The following TRIM26 variants were observed in gnomAD, a reference collection of about 807,000 sequenced individuals.
TRIM26 encodes tripartite motif containing 26.
TRIM26 carries 16 observed loss-of-function variants against 45.5 expected under a neutral mutation model. The ratio of observed to expected loss-of-function variants is 0.35; its 90% CI spans 0.24 to 0.53. The LOEUF (loss-of-function observed/expected upper bound fraction) is 0.53. Ranked by LOEUF, TRIM26 falls within the 20% of genes least tolerant of loss-of-function variation. The pLI, the probability that TRIM26 is intolerant of heterozygous loss-of-function variation, is 0.92. For missense variants in TRIM26, 442 were observed against 691.1 expected, an observed-to-expected ratio of 0.64 and a Z score of 4.04; for synonymous variants, 273 against 290.4, an observed-to-expected ratio of 0.94 and a Z score of 0.61.
rs771129969 is a variant in TRIM26 at position 30,198,974 on chromosome 6, G to A, written c.130C>T (p.Arg44Cys). Residue 44 changes from arginine to cysteine, a missense_variant, in exon 4 of 10, where the codon CGC becomes TGC. By Grantham distance (180) the Arg-to-Cys change is radical. Transcript: ENST00000454678. The surrounding 1 kb of genome is among the most constrained non-coding windows in gnomAD (Gnocchi z 6.3). The part of the protein sequence containing the change: ...VFCRSCTTDV[R>C]PISGSRPVCP... ...ACGGGGCGGCTCCCTGAGATGGGGC[G>A]GACGTCTGTGGTGCAGCTGCGGCAG... 1.2e-5 allele frequency: 19 copies of A among 1,612,676 alleles called. No homozygotes were observed. The highest frequency in any genetic ancestry group is 6.7e-5 in the East Asian group (3 of 44,854).
rs371337600 is a variant in TRIM26, at chr6:30,189,412, C to A, written c.904+6G>T. The A allele has an allele frequency of 6.2e-7, 1 of 1,612,870 alleles. No individual in the cohort carries two copies. The highest frequency in any genetic ancestry group is 1.1e-5 in the South Asian group (1 of 91,078). Reference sequence around the variant, plus strand: ...TCCCACCCTTTGTGCGCTCCCCAACCCTTACCCTGGAATTCCCTCAGGCCT... The same window carrying A: ...TCCCACCCTTTGTGCGCTCCCCAACACTTACCCTGGAATTCCCTCAGGCCT... On this transcript the variant is annotated splice_donor_region_variant and intron_variant, in intron 8 of 9. Transcript: ENST00000454678. The surrounding 1 kb of genome is among the most constrained non-coding windows in gnomAD (Gnocchi z 5.0).
rs552275678 is a variant in TRIM26 at position 30,197,900 on chromosome 6, G to A, written c.534+529C>T. Reference sequence around the variant, plus strand: ...CGCCGCTACGGAACCCACAGATATGGAGGAGGTCCCACTGTACTGGCAACC... The same window carrying A: ...CGCCGCTACGGAACCCACAGATATGAAGGAGGTCCCACTGTACTGGCAACC... On this transcript the variant is annotated intron_variant, in intron 5 of 9. Coordinates refer to ENST00000454678, the MANE Select transcript of TRIM26 (RefSeq NM_003449.5). Among the ~76,000 whole-genome samples, 5 of 152,278 alleles carry A rather than the reference G, an allele frequency of 3.3e-5. No individual in the cohort carries two copies. The South Asian group carries it at 8.3e-4, about 25-fold the overall frequency.
intron 1 of TRIM26, among the ~76,000 whole-genome samples, chr6:30,210,787 T>A (rs1489772498): frequency 6.6e-6 from 1 of 152,250 alleles, no homozygotes. Context: ...AACTATCTTG[T>A]ACTGTACTTA....
intron 1 of TRIM26, among the ~76,000 whole-genome samples, chr6:30,211,987 G>T (rs1404099347): frequency 6.6e-6 from 1 of 152,178 alleles, no homozygotes; most frequent in Non-Finnish European, 1.5e-5. Context: ...CTTCTAAAGA[G>T]GACAATACAC....
At chr6:30,188,363 G>A in intron 9 of TRIM26, 1 of 442,322 alleles carries the variant, frequency 2.3e-6, no homozygotes, top group Non-Finnish European at 4.1e-6. Context: ...CTACCAGCCT[G>A]CTCTGTAAGA....
At position 30,189,558 on chromosome 6, in the gene TRIM26, G is replaced by T; in HGVS notation, c.789-25C>A. ...CCTAAGAAGATGACATACATAACAAGCTGTTACTCAGCTCTTCTTACTTTC... is the reference window on the plus strand; with the variant it reads ...CCTAAGAAGATGACATACATAACAATCTGTTACTCAGCTCTTCTTACTTTC... On this transcript the variant is annotated intron_variant, in intron 7 of 9. Coordinates refer to ENST00000454678, the MANE Select transcript of TRIM26 (RefSeq NM_003449.5). This position sits in a 1 kb window ranked among gnomAD's most constrained non-coding sequence, Gnocchi z 5.0. The T allele has an allele frequency of 6.4e-7, 1 of 1,574,620 alleles. No homozygotes were observed. The highest frequency in any genetic ancestry group is 8.7e-7 in the Non-Finnish European group (1 of 1,145,506).
intron 2 of TRIM26, among the ~76,000 whole-genome samples, chr6:30,203,352 A>G (rs942201936): frequency 6.6e-6 from 1 of 151,168 alleles, no homozygotes; most frequent in African/African-American, 2.4e-5. Context: ...GTCTAAAATT[A>G]TTTTCTTAAT....
Position 30,198,903 on chromosome 6 carries a change from G to A in TRIM26, c.201C>T (p.Pro67=), listed in dbSNP as rs367664883. 2.4e-5 allele frequency: 39 copies of A among 1,612,736 alleles called. No homozygotes were observed. Among genetic ancestry groups the A allele is most frequent in the African/African-American group, 2.4e-4 (18 of 74,898 alleles). The stretch of plus-strand genomic sequence containing the variant: ...CCACCAGGCTGGCCAGTTGCCACAC[G>A]GGTCGGATGTTCTCCTTCTTAAAAG... ...KKPFKKENIR[P]VWQLASLVEN... is the part of the protein sequence containing the mutation. The change falls in exon 4 of 10, where the codon CCC becomes CCT. Residue 67 remains proline (P), a synonymous_variant. Transcript: ENST00000454678. This position sits in a 1 kb window ranked among gnomAD's most constrained non-coding sequence, Gnocchi z 6.3.
At chr6:30,213,148 C>T (rs1262642130) in intron 1 of TRIM26, among the ~76,000 whole-genome samples, 157 bp downstream of exon 1, 1 of 152,224 alleles carries the variant, frequency 6.6e-6, no homozygotes, top group Non-Finnish European at 1.5e-5. Flanking sequence ...ATCTGGCTGG[C>T]AGGGAGGACG....
Position 30,196,413 on chromosome 6 carries a change from G to T in TRIM26, c.765+103C>A. ...GGATTATCATCTCCATGTTTCAGAT[G>T]ACAAAACTGAGCCCCCAAGTCTTCT... On this transcript the variant is annotated intron_variant, in intron 6 of 9. Transcript: ENST00000454678. This position sits in a 1 kb window ranked among gnomAD's most constrained non-coding sequence, Gnocchi z 4.9. 8.9e-7 allele frequency: 1 copy of T among 1,126,466 alleles called. No individual in the cohort carries two copies. The highest frequency in any genetic ancestry group is 1.4e-5 in the South Asian group (1 of 69,254). The allele number at this position is 1,126,466 out of a possible 1,614,324, so 69.8% of individuals were successfully genotyped here.
intron 2 of TRIM26, among the ~76,000 whole-genome samples, chr6:30,203,037 CCTCT>C (rs1302849507): frequency 6.8e-6 from 1 of 146,644 alleles, no homozygotes; most frequent in Non-Finnish European, 1.5e-5. Context: ...AAAATTATTT[CCTCT>C]CTTTCTTTTT....
intron 6 of TRIM26, among the ~76,000 whole-genome samples, chr6:30,192,151 C>A (rs541431299): frequency 3.0e-4 from 45 of 152,294 alleles, no homozygotes; most frequent in Admixed American, 1.8e-3. Context: ...AGTGATCCGC[C>A]CAAGTCTCCT....
At position 30,186,779 on chromosome 6, in the gene TRIM26, A is replaced by T; in HGVS notation, c.938-221T>A. 9.4e-7 allele frequency: 1 copy of T among 1,058,244 alleles called. No individual in the cohort carries two copies. The highest frequency in any genetic ancestry group is 1.4e-6 in the Non-Finnish European group (1 of 704,918). The allele number at this position is 1,058,244 out of a possible 1,614,324, so 65.6% of individuals were successfully genotyped here. A position where few individuals can be genotyped will look rare whatever the true frequency, so the allele number is the denominator to read the frequency against. ...AACTAAACTGCTTTATAAACATGATATACTGAAATTTAACTTGACTGTTTT... is the reference window on the plus strand; with the variant it reads ...AACTAAACTGCTTTATAAACATGATTTACTGAAATTTAACTTGACTGTTTT... On this transcript the variant is annotated intron_variant, in intron 9 of 9. Coordinates refer to ENST00000454678, the MANE Select transcript of TRIM26 (RefSeq NM_003449.5). The surrounding 1 kb of genome is among the most constrained non-coding windows in gnomAD (Gnocchi z 7.4).
chr6:30,194,060 A>G (rs1776221047), intron 6 of TRIM26, among the ~76,000 whole-genome samples: 1 of 152,240 alleles, frequency 6.6e-6, no homozygotes, highest in Non-Finnish European at 1.5e-5. Flanking sequence ...TAGAACTACC[A>G]TATGATCCAG....
intron 1 of TRIM26, among the ~76,000 whole-genome samples, chr6:30,208,242 G>C: frequency 6.6e-6 from 1 of 152,186 alleles, no homozygotes; most frequent in Admixed American, 6.5e-5. Flanking sequence ...TAGTAAATTG[G>C]TAGAGAGAGA....
rs535426175 is a variant in TRIM26 at position 30,198,354 on chromosome 6, C to A, written c.534+75G>T. 15 of 1,535,276 alleles carry A rather than the reference C, an allele frequency of 9.8e-6. No individual in the cohort carries two copies. The African/African-American group carries it at 1.2e-4, about 13-fold the overall frequency. ...AGCGCCTAGAAACACCTCCCAGCTGCCGCCTACTTGCCCAGGCTCACCCTG... is the reference window on the plus strand; with the variant it reads ...AGCGCCTAGAAACACCTCCCAGCTGACGCCTACTTGCCCAGGCTCACCCTG... On this transcript the variant is annotated intron_variant, in intron 5 of 9. Transcript: ENST00000454678. The surrounding 1 kb of genome is among the most constrained non-coding windows in gnomAD (Gnocchi z 6.3).
intron 1 of TRIM26, among the ~76,000 whole-genome samples, chr6:30,208,518 T>A (rs962367053): frequency 1.4e-5 from 1 of 71,356 alleles, no homozygotes; most frequent in African/African-American, 5.4e-5. Context: ...TTTTTTCCTT[T>A]TTTTTTTTTT....
intron 6 of TRIM26, among the ~76,000 whole-genome samples, chr6:30,193,134 A>ATGTG (rs1383726823): frequency 3.7e-5 from 2 of 54,698 alleles, no homozygotes; most frequent in African/African-American, 2.2e-4. Flanking sequence ...ATATATACAT[A>ATGTG]TATGTGTGTG....
Position 30,186,789 on chromosome 6 carries a change from T to G in TRIM26, c.938-231A>C, listed in dbSNP as rs930185438. 12 of 1,096,596 alleles carry G rather than the reference T, an allele frequency of 1.1e-5. No homozygotes were observed. In the Admixed American group the frequency reaches 2.5e-4, roughly 23 times the overall value. 67.9% of individuals were successfully genotyped at this position (1,096,596 alleles called of 1,614,324 possible). A position where few individuals can be genotyped will look rare whatever the true frequency, so the allele number is the denominator to read the frequency against. Reference sequence around the variant, plus strand: ...CTTTATAAACATGATATACTGAAATTTAACTTGACTGTTTTCGCTTACGCT... The same window carrying G: ...CTTTATAAACATGATATACTGAAATGTAACTTGACTGTTTTCGCTTACGCT... On this transcript the variant is annotated intron_variant, in intron 9 of 9. Transcript: ENST00000454678. This position sits in a 1 kb window ranked among gnomAD's most constrained non-coding sequence, Gnocchi z 7.4.
Sources: gnomAD v4.1 joint callset for allele counts (sites outside exome capture counted in the v4.1 genomes callset) on GRCh38, gnomAD v4.1.1 for gene constraint, Gnocchi (gnomAD v3.1) non-coding constraint, MANE v1.5 for transcripts, NCBI Gene and HGNC (gene_info 2026-07-23, HGNC 2026-07-21) for gene names.